Variants in PAQR3 observed in about 807,000 individuals in gnomAD.
The protein encoded by PAQR3 is progestin and adipoQ receptor family member 3.
A neutral mutation model predicts 41.7 loss-of-function variants in PAQR3; 39 were observed. That is an observed-to-expected ratio of 0.93 (90% CI 0.72 to 1.22). PAQR3 has a LOEUF of 1.22. Ranked by LOEUF, PAQR3 falls within the 50% of genes most tolerant of loss-of-function variation. The pLI, the probability that PAQR3 is intolerant of heterozygous loss-of-function variation, is 0.00. For missense variants in PAQR3, 366 were observed against 385.6 expected, an observed-to-expected ratio of 0.95 and a Z score of 0.42; for synonymous variants, 140 against 140.6, an observed-to-expected ratio of 1.00 and a Z score of 0.03.
chr4:78,920,261 A>G lies in PAQR3; in HGVS notation c.*278T>C, dbSNP rs191098882. 4.4e-3 allele frequency: 4,733 copies of G among 1,085,200 alleles called. 16 individuals are homozygous for G. The highest frequency in any genetic ancestry group is 5.0e-3 in the Non-Finnish European group (4,470 of 895,166). The allele number at this position is 1,085,200 out of a possible 1,614,324, so 67.2% of individuals were successfully genotyped here. ...GCTAAGTAAAATGAATCCTATTTCA[A>G]CACTAGTTTCCCATTCATCGTTGTT... is the stretch of plus-strand genomic sequence containing the variant. On this transcript the variant is annotated 3_prime_UTR_variant, in exon 6 of 6. Transcript: ENST00000512733.
intron 11 of PAQR3, among the ~76,000 whole-genome samples, chr4:78,890,411 C>T (rs543036442): frequency 1.3e-5 from 2 of 152,066 alleles, no homozygotes; most frequent in South Asian, 4.2e-4. Context: ...TGCGCACACA[C>T]ACACACACAC....
rs1028724327 is a variant in PAQR3, at chr4:78,914,425, T to C, written c.*6114A>G. 1 of 151,968 alleles carries C rather than the reference T, an allele frequency of 6.6e-6. No individual in the cohort carries two copies. Among genetic ancestry groups the C allele is most frequent in the Non-Finnish European group, 1.5e-5 (1 of 67,930 alleles). 9.4% of individuals were successfully genotyped at this position (151,968 alleles called of 1,614,324 possible). A position where few individuals can be genotyped will look rare whatever the true frequency, so the allele number is the denominator to read the frequency against. ...AATTGGGGGTTCAATAGGATAGAAATGGAGAGATTCCTTTGTGTTGTAGTA... is the reference window on the plus strand; with the variant it reads ...AATTGGGGGTTCAATAGGATAGAAACGGAGAGATTCCTTTGTGTTGTAGTA... On this transcript the variant is annotated 3_prime_UTR_variant, in exon 6 of 6. Coordinates refer to ENST00000512733, the MANE Select transcript of PAQR3 (RefSeq NM_001040202.2).
chr4:78,906,186 T>A (rs1180422299), intron 10 of PAQR3: 1 of 152,068 alleles, frequency 6.6e-6, no homozygotes, highest in East Asian at 1.9e-4. Flanking sequence ...GGATTAATAG[T>A]TTGTCTTAGT....
chr4:78,910,975 A>G (rs767449136), downstream of PAQR3: 3 of 1,613,656 alleles, frequency 1.9e-6, no homozygotes. Flanking sequence ...TGAGCAGGCT[A>G]AAGCAAAGTA....
At chr4:78,903,776 G>T (rs1734141459) in intron 11 of PAQR3, among the ~76,000 whole-genome samples, 1 of 151,784 alleles carries the variant, frequency 6.6e-6, no homozygotes, top group Admixed American at 6.6e-5. Flanking sequence ...TATTTTTTGG[G>T]CATGGTTTTT....
chr4:78,912,349 G>A lies in PAQR3; in HGVS notation c.*8190C>T, dbSNP rs1734686033. The A allele has an allele frequency of 3.9e-6, 1 of 255,112 alleles. No individual in the cohort carries two copies. The highest frequency in any genetic ancestry group is 2.2e-5 in the African/African-American group (1 of 45,048). The allele number at this position is 255,112 out of a possible 1,614,324, so 15.8% of individuals were successfully genotyped here. ...ACCTTTCTAGGTGTGTAGCCACTGA[G>A]AAGGGACAGTGAAACTGTTATTTTT... On this transcript the variant is annotated 3_prime_UTR_variant, in exon 6 of 6. Transcript: ENST00000512733.
At chr4:78,922,540 C>A in intron 5 of PAQR3, 1 of 921,636 alleles carries the variant, frequency 1.1e-6, no homozygotes, top group Non-Finnish European at 1.5e-6. Context: ...TTATTTCTGA[C>A]CCATGCCAAA....
Position 78,918,708 on chromosome 4 carries a change from T to A in PAQR3, c.*1831A>T. Reference sequence around the variant, plus strand: ...ATTGAAATGATTCAATGTTTTTTTATTTTGAGAAAGTTTTATAATAAAAAT... The same window carrying A: ...ATTGAAATGATTCAATGTTTTTTTAATTTGAGAAAGTTTTATAATAAAAAT... On this transcript the variant is annotated 3_prime_UTR_variant, in exon 6 of 6. Transcript: ENST00000512733. 1.0e-6 allele frequency: 1 copy of A among 969,452 alleles called. No individual in the cohort carries two copies. The highest frequency in any genetic ancestry group is 4.8e-5 in the South Asian group (1 of 20,938). 60.1% of individuals were successfully genotyped at this position (969,452 alleles called of 1,614,324 possible).
chr4:78,930,053 C>T, intron 3 of PAQR3, 117 bp downstream of exon 3: 1 of 948,008 alleles, frequency 1.1e-6, no homozygotes, highest in Non-Finnish European at 1.5e-6. Context: ...TTATACGAGA[C>T]TCTTCTATTT....
At chr4:78,936,567 T>G (rs1472377128) in intron 1 of PAQR3, among the ~76,000 whole-genome samples, 1 of 152,196 alleles carries the variant, frequency 6.6e-6, no homozygotes, top group Non-Finnish European at 1.5e-5. Context: ...TAGCAAGGTG[T>G]CAAAACTATC....
intron 10 of PAQR3, chr4:78,906,224 C>G (rs141152576): frequency 4.6e-5 from 7 of 152,160 alleles, no homozygotes; most frequent in Non-Finnish European, 7.4e-5. Context: ...CATTACTGCT[C>G]TTTACTTTTT....
chr4:78,898,806 T>C (rs1383243473), intron 11 of PAQR3: 2 of 152,004 alleles, frequency 1.3e-5, no homozygotes, highest in Non-Finnish European at 2.9e-5. Context: ...AATAAACCTA[T>C]TGCTTCACTA....
At position 78,916,732 on chromosome 4, in the gene PAQR3, CTG is replaced by C. The variant is rs1438040072; in HGVS notation, c.*3805_*3806del. 2 of 151,804 alleles carry C rather than the reference CTG, an allele frequency of 1.3e-5. No homozygotes were observed. Among genetic ancestry groups the C allele is most frequent in the Admixed American group, 6.6e-5 (1 of 15,206 alleles). 9.4% of individuals were successfully genotyped at this position (151,804 alleles called of 1,614,324 possible). A position where few individuals can be genotyped will look rare whatever the true frequency, so the allele number is the denominator to read the frequency against. On this transcript the variant is annotated 3_prime_UTR_variant, in exon 6 of 6. Coordinates refer to ENST00000512733, the MANE Select transcript of PAQR3 (RefSeq NM_001040202.2). The stretch of plus-strand genomic sequence containing the variant: ...TATAAATTTTTAAAAATCTTTAAAA[CTG>C]ATAACATCTTTGGCTGAATTAATAC...
intron 5 of PAQR3, chr4:78,921,655 C>G (rs1560571882): frequency 1.0e-6 from 1 of 983,260 alleles, no homozygotes. Flanking sequence ...TTGGACCCAT[C>G]AAATGCCACT....
At chr4:78,900,008 C>T (rs759940144) in intron 11 of PAQR3, among the ~76,000 whole-genome samples, 7 of 152,096 alleles carry the variant, frequency 4.6e-5, no homozygotes, top group African/African-American at 1.2e-4. Flanking sequence ...TTGAACAACA[C>T]GGGTTTGAAC....
At chr4:78,934,731 T>C (rs1459020624) in intron 2 of PAQR3, among the ~76,000 whole-genome samples, 1 of 152,036 alleles carries the variant, frequency 6.6e-6, no homozygotes, top group Non-Finnish European at 1.5e-5. Flanking sequence ...AGTATGGAAA[T>C]AACAAATACA....
chr4:78,901,615 T>C (rs1322798403), intron 11 of PAQR3, among the ~76,000 whole-genome samples: 1 of 152,176 alleles, frequency 6.6e-6, no homozygotes, highest in Non-Finnish European at 1.5e-5. Context: ...ATGGTATTCA[T>C]TCCCTTTCCT....
At chr4:78,923,802 C>A in intron 5 of PAQR3, 55 bp downstream of exon 5, 1 of 1,154,000 alleles carries the variant, frequency 8.7e-7, no homozygotes, top group Non-Finnish European at 1.3e-6. Flanking sequence ...GATGCATATA[C>A]CTTGGGCATA....
intron 3 of PAQR3, among the ~76,000 whole-genome samples, chr4:78,927,869 AG>A (rs1457464754): frequency 6.6e-6 from 1 of 152,238 alleles, no homozygotes; most frequent in African/African-American, 2.4e-5. Context: ...CAGACTGTTT[AG>A]GGTGTGCGCA....
Sources: gnomAD v4.1 joint callset for allele counts (sites outside exome capture counted in the v4.1 genomes callset) on GRCh38, gnomAD v4.1.1 for gene constraint, MANE v1.5 for transcripts, NCBI Gene and HGNC (gene_info 2026-07-23, HGNC 2026-07-21) for gene names.